Variants in ASAP1 observed in about 807,000 individuals in gnomAD.
The protein encoded by ASAP1 is arf-GAP with SH3 domain, ANK repeat and PH domain-containing protein 1.
A neutral mutation model predicts 145.2 loss-of-function variants in ASAP1; 43 were observed. The ratio of observed to expected loss-of-function variants is 0.30; its 90% CI spans 0.23 to 0.38. The LOEUF is 0.38. Ranked by LOEUF, ASAP1 falls within the 10% of genes least tolerant of loss-of-function variation. The probability of loss-of-function intolerance (pLI) is 1.00; values close to 1 mark genes in which losing one functional copy is unlikely to be tolerated. For synonymous variants in ASAP1, 546 were observed against 515.5 expected, an observed-to-expected ratio of 1.06 and a Z score of -0.80; for missense variants, 1,018 against 1,355.3, an observed-to-expected ratio of 0.75 and a Z score of 3.91.
At chr8:130,160,832 C>T (rs1318853930) in intron 11 of ASAP1, 12 of 1,271,634 alleles carry the variant, frequency 9.4e-6, no homozygotes, top group Admixed American at 7.2e-5. Flanking sequence ...AGAAAAAAGG[C>T]AGAACATTTG....
intron 25 of ASAP1, among the ~76,000 whole-genome samples, chr8:130,088,429 T>C (rs1395432395): frequency 6.6e-6 from 1 of 152,026 alleles, no homozygotes; most frequent in Non-Finnish European, 1.5e-5. Flanking sequence ...GGGTCCTATA[T>C]ACAATCACAC....
chr8:130,060,798 G>C lies in ASAP1; in HGVS notation c.2973C>G (p.Pro991=), dbSNP rs747121611. Residue 991 remains proline, a synonymous_variant, in exon 28 of 30, where the codon CCC becomes CCG. Coordinates refer to ENST00000518721, the MANE Select transcript of ASAP1 (RefSeq NM_018482.4). ...CTAGCAGGTCTCCCAGCTGTGGTTT[G>C]GGGGGCAGGTCCTTCATCTGTGGTT... ...PPKPQMKDLP[P]KPQLGDLLAK... 1 of 1,613,990 alleles carries C rather than the reference G, an allele frequency of 6.2e-7. No homozygotes were observed. The highest frequency in any genetic ancestry group is 1.3e-5 in the African/African-American group (1 of 74,882).
intron 3 of ASAP1, among the ~76,000 whole-genome samples, chr8:130,284,913 G>C (rs1175112753): frequency 4.0e-5 from 6 of 151,646 alleles, no homozygotes; most frequent in African/African-American, 1.5e-4. Flanking sequence ...GAGAGAGAGA[G>C]ACAGAGAGAC....
At chr8:130,249,240 C>T (rs1819047252) in intron 3 of ASAP1, among the ~76,000 whole-genome samples, 1 of 152,126 alleles carries the variant, frequency 6.6e-6, no homozygotes, top group South Asian at 2.1e-4. Flanking sequence ...GACTTTAAAA[C>T]AGAATCAAGT....
intron 3 of ASAP1, among the ~76,000 whole-genome samples, chr8:130,284,886 TGAGAGA>T (rs112517433): frequency 8.0e-6 from 1 of 124,358 alleles, no homozygotes; most frequent in Non-Finnish European, 1.7e-5. Flanking sequence ...CACACCATAC[TGAGAGA>T]GAGAGAGAAA....
intron 13 of ASAP1, among the ~76,000 whole-genome samples, chr8:130,138,754 TG>T (rs1230797311): frequency 6.7e-6 from 1 of 149,352 alleles, no homozygotes; most frequent in Non-Finnish European, 1.5e-5. Context: ...GAGAATCGCT[TG>T]AACTTGGGAG....
rs529929631 is a variant in ASAP1, at chr8:130,354,328, G to C, written c.186+3689C>G. Among the ~76,000 whole-genome samples the C allele has an allele frequency of 2.0e-5, 3 of 152,206 alleles. No individual in the cohort carries two copies. The South Asian group carries it at 6.2e-4, about 31-fold the overall frequency. The stretch of plus-strand genomic sequence containing the variant: ...TTCCTCTTTCAGAGAGCTCATATGA[G>C]AGGTAAATGTAAGCATTCATGCCAT... On this transcript the variant is annotated intron_variant, in intron 3 of 29. Transcript: ENST00000518721.
At chr8:130,217,827 A>G (rs1004652747) in intron 4 of ASAP1, among the ~76,000 whole-genome samples, 1 of 152,180 alleles carries the variant, frequency 6.6e-6, no homozygotes, top group East Asian at 1.9e-4. Flanking sequence ...GCATGGGTGC[A>G]ATGGGCACTC....
chr8:130,340,641 G>C (rs572523465), intron 3 of ASAP1, among the ~76,000 whole-genome samples: 2 of 152,340 alleles, frequency 1.3e-5, no homozygotes, highest in South Asian at 4.1e-4. Flanking sequence ...TAAGAAAGCA[G>C]TGTGACATGG....
At chr8:130,409,286 C>T (rs1443740334) in intron 1 of ASAP1, among the ~76,000 whole-genome samples, 1 of 151,820 alleles carries the variant, frequency 6.6e-6, no homozygotes, top group African/African-American at 2.4e-5. Context: ...AAAACCTCCT[C>T]TCCTGTGGTG....
chr8:130,105,655 T>C (rs546513295), intron 24 of ASAP1, among the ~76,000 whole-genome samples: 1 of 152,282 alleles, frequency 6.6e-6, no homozygotes, highest in African/African-American at 2.4e-5. Context: ...TAAAAAGTAA[T>C]TAACCGTATA....
intron 13 of ASAP1, among the ~76,000 whole-genome samples, chr8:130,141,945 C>T (rs1159531257): frequency 1.3e-5 from 2 of 151,814 alleles, no homozygotes; most frequent in African/African-American, 2.4e-5. Context: ...CTTAAACTCC[C>T]GGCCTCAAGT....
At chr8:130,095,262 T>G (rs1354931319) in intron 24 of ASAP1, among the ~76,000 whole-genome samples, 3 of 151,232 alleles carry the variant, frequency 2.0e-5, no homozygotes, top group Non-Finnish European at 4.4e-5. Context: ...AATAGAAGAC[T>G]CAACCACTAC....
At chr8:130,119,275 T>A (rs545823094) in intron 18 of ASAP1, among the ~76,000 whole-genome samples, 2 of 152,114 alleles carry the variant, frequency 1.3e-5, no homozygotes, top group African/African-American at 4.8e-5. Flanking sequence ...GTGAGGAAAC[T>A]AAGGCTCAGA....
Position 130,358,280 on chromosome 8 carries a change from C to A in ASAP1, c.60-137G>T. 1.8e-6 allele frequency: 1 copy of A among 556,054 alleles called. No individual in the cohort carries two copies. The highest frequency in any genetic ancestry group is 2.4e-6 in the Non-Finnish European group (1 of 420,966). The allele number at this position is 556,054 out of a possible 1,614,324, so 34.4% of individuals were successfully genotyped here. A position where few individuals can be genotyped will look rare whatever the true frequency, so the allele number is the denominator to read the frequency against. ...GCCGCCCGGCCTGGCGCGCGGCTCC[C>A]GTCCCCGGCAGCGGCGAGAGGGAGG... On this transcript the variant is annotated intron_variant, in intron 2 of 29. Transcript: ENST00000518721. This position sits in a 1 kb window ranked among gnomAD's most constrained non-coding sequence, Gnocchi z 4.1.
intron 27 of ASAP1, among the ~76,000 whole-genome samples, chr8:130,064,157 T>A (rs946872578): frequency 2.0e-5 from 3 of 152,168 alleles, no homozygotes; most frequent in African/African-American, 7.2e-5. Context: ...AAGGCTCCAG[T>A]GTTCTGTTGA....
At chr8:130,219,001 A>G (rs1042018201) in intron 4 of ASAP1, among the ~76,000 whole-genome samples, 2 of 152,072 alleles carry the variant, frequency 1.3e-5, no homozygotes, top group African/African-American at 4.8e-5. Flanking sequence ...TCTTGGGGTA[A>G]TAATAACAAT....
chr8:130,393,396 A>T lies in ASAP1; in HGVS notation c.59+8489T>A, dbSNP rs1828376927. Reference sequence around the variant, plus strand: ...AAGTCTTGGAATACTCCCACAAACAAGCAGCAAACATTTACTGTGGGCCTG... The same window carrying T: ...AAGTCTTGGAATACTCCCACAAACATGCAGCAAACATTTACTGTGGGCCTG... On this transcript the variant is annotated intron_variant, in intron 2 of 29. Coordinates refer to ENST00000518721, the MANE Select transcript of ASAP1 (RefSeq NM_018482.4). Among the ~76,000 whole-genome samples the T allele has an allele frequency of 2.0e-5, 3 of 152,340 alleles. No homozygotes were observed. In the South Asian group the frequency reaches 6.2e-4, roughly 32 times the overall value.
chr8:130,385,738 C>A (rs1827983322), intron 2 of ASAP1, among the ~76,000 whole-genome samples: 1 of 152,166 alleles, frequency 6.6e-6, no homozygotes, highest in African/African-American at 2.4e-5. Context: ...CAACAGCCCG[C>A]TAAGGAAGCT....
Sources: allele counts gnomAD v4.1 joint callset (sites outside exome capture counted in the v4.1 genomes callset), GRCh38; gene constraint gnomAD v4.1.1; non-coding constraint Gnocchi (gnomAD v3.1); transcripts MANE v1.5; gene names NCBI Gene and HGNC (gene_info 2026-07-23, HGNC 2026-07-21).